Variants in PSD2 observed in about 807,000 individuals in gnomAD.
PSD2 encodes the protein pleckstrin and Sec7 domain containing 2, also known as PH and SEC7 domain-containing protein 2.
PSD2 carries 38 observed loss-of-function variants against 69.8 expected under a neutral mutation model. The observed-to-expected ratio is 0.54, with a 90% CI of 0.42 to 0.71. PSD2 has a LOEUF of 0.71. Among genes scored for constraint, PSD2 ranks in the 30% least tolerant of loss-of-function variants. The pLI is 0.00. For missense variants in PSD2, 943 were observed against 1,014.5 expected (o/e 0.93, Z 0.96); for synonymous variants, 412 against 423.0 (o/e 0.97, Z 0.32).
At chr5:139,833,604 T>A in intron 7 of PSD2, 98 bp from the exon 8 acceptor site, 1 of 815,944 alleles carries the variant, frequency 1.2e-6, no homozygotes, top group South Asian at 1.4e-5. Flanking sequence ...TTATTGCCCT[T>A]AATGCTGCCT....
chr5:139,791,084 C>T (rs1213985563), upstream of PSD2, among the ~76,000 whole-genome samples: 4 of 151,690 alleles, frequency 2.6e-5, no homozygotes, highest in African/African-American at 9.7e-5. Flanking sequence ...AAATGGTGGC[C>T]ATTCCAGGTG....
intron 1 of PSD2, among the ~76,000 whole-genome samples, chr5:139,801,947 C>T (rs1432408137): frequency 6.6e-6 from 1 of 152,210 alleles, no homozygotes; most frequent in Non-Finnish European, 1.5e-5. Flanking sequence ...CCTGACTTCC[C>T]TTCAGCGGGC....
At chr5:139,828,404 G>A (rs182917167) in intron 7 of PSD2, among the ~76,000 whole-genome samples, 21 of 152,316 alleles carry the variant, frequency 1.4e-4, no homozygotes, top group Admixed American at 1.0e-3. Flanking sequence ...TGGCAACAGC[G>A]GGAGTTTCTG....
intron 1 of PSD2, among the ~76,000 whole-genome samples, chr5:139,801,491 T>G (rs1345033514): frequency 6.6e-6 from 1 of 152,158 alleles, no homozygotes; most frequent in Non-Finnish European, 1.5e-5. Flanking sequence ...CCTCCTACCT[T>G]GTGGGTTGCT....
the PSD2 span, among the ~76,000 whole-genome samples, chr5:139,751,258 C>T: frequency 2.1e-4 from 32 of 152,228 alleles, no homozygotes; most frequent in East Asian, 2.7e-3. Context: ...GAGAGGGGGG[C>T]GGAGGTGGCC....
rs780497261 is a variant in PSD2, at chr5:139,817,538, C to G, written c.1074C>G (p.Gly358=). 40 of 1,614,020 alleles carry G rather than the reference C, an allele frequency of 2.5e-5. No homozygotes were observed. The highest frequency in any genetic ancestry group is 3.1e-5 in the Non-Finnish European group (36 of 1,179,992). The part of the protein sequence containing the change: ...GEYLSFFDFS[G]LTLDGALRTF... ...ACCTCAGTTTCTTCGACTTCTCGGG[C>G]TTGACTCTGGACGGAGCACTCAGGT... Residue 358 remains glycine (G), a synonymous_variant, in exon 5 of 15, where the codon GGC becomes GGG. Coordinates refer to ENST00000274710, the MANE Select transcript of PSD2 (RefSeq NM_032289.4).
rs1480529019 is a variant in PSD2 at position 139,840,098 on chromosome 5, C to T, written c.2040C>T (p.His680=). 6.2e-7 allele frequency: 1 copy of T among 1,614,176 alleles called. No individual in the cohort carries two copies. The highest frequency in any genetic ancestry group is 1.7e-5 in the Admixed American group (1 of 60,032). Residue 680 remains histidine (H), a synonymous_variant, in exon 14 of 15, where the codon CAC becomes CAT. Transcript: ENST00000274710. ...CGGAGCTGGCCGAACACAGGTGTCA[C>T]CCAGTCGAGAGGGGCATCAAGTCCA... is the stretch of plus-strand genomic sequence containing the variant. ...LTAELAEHRC[H]PVERGIKSKE...
chr5:139,837,729 C>T lies in PSD2; in HGVS notation c.1770C>T (p.Ser590=). ...ATRASDYSKK[S]NVLKLKTADW... The stretch of plus-strand genomic sequence containing the variant: ...GGGCCTCTGACTACAGCAAGAAGTC[C>T]AACGTGCTGAAGCTTAAGACAGCCG... The change falls in exon 12 of 15, where the codon TCC becomes TCT. Residue 590 remains serine, a synonymous_variant. Transcript: ENST00000274710. The surrounding 1 kb of genome is among the most constrained non-coding windows in gnomAD (Gnocchi z 5.0). 1 of 1,614,026 alleles carries T rather than the reference C, an allele frequency of 6.2e-7. No individual in the cohort carries two copies. The highest frequency in any genetic ancestry group is 8.5e-7 in the Non-Finnish European group (1 of 1,179,928).
chr5:139,805,763 C>T (rs141750444), intron 1 of PSD2, among the ~76,000 whole-genome samples: 87 of 152,068 alleles, frequency 5.7e-4, no homozygotes, highest in African/African-American at 1.9e-3. Context: ...ACTCAGGGAG[C>T]GGAAAGAAGG....
Position 139,842,716 on chromosome 5 carries a change from C to A in PSD2, c.*242C>A. 1 of 528,862 alleles carries A rather than the reference C, an allele frequency of 1.9e-6. No individual in the cohort carries two copies. The highest frequency in any genetic ancestry group is 3.4e-6 in the Non-Finnish European group (1 of 295,486). The allele number at this position is 528,862 out of a possible 1,614,324, so 32.8% of individuals were successfully genotyped here. On this transcript the variant is annotated 3_prime_UTR_variant, in exon 15 of 15. Coordinates refer to ENST00000274710, the MANE Select transcript of PSD2 (RefSeq NM_032289.4). ...CCTTGTTTTCCTCTCCACCATGGAGCCTCATTTTGTAGGCCAGTTGTGTGC... is the reference window on the plus strand; with the variant it reads ...CCTTGTTTTCCTCTCCACCATGGAGACTCATTTTGTAGGCCAGTTGTGTGC...
At position 139,830,626 on chromosome 5, in the gene PSD2, C is replaced by CTTTCTCTTTCTTTCTTTCTTTCTTTCTT. The variant is rs58644184; in HGVS notation, c.1270-3075_1270-3074insTTCTCTTTCTTTCTTTCTTTCTTTCTTT. Among the ~76,000 whole-genome samples, 16 of 97,672 alleles carry CTTTCTCTTTCTTTCTTTCTTTCTTTCTT rather than the reference C, an allele frequency of 1.6e-4. No homozygotes were observed. The East Asian group carries it at 3.9e-3, about 24-fold the overall frequency. The allele number at this position is 97,672 out of a possible 152,430, so 64.1% of individuals were successfully genotyped here. A position where few individuals can be genotyped will look rare whatever the true frequency, so the allele number is the denominator to read the frequency against. ...TTTCTTTCTCTTTCTTTCTTTCTTT[C>CTTTCTCTTTCTTTCTTTCTTTCTTTCTT]TCTTTCTTTCTTTCTTTCTTTCTTT... On this transcript the variant is annotated intron_variant, in intron 7 of 14. Transcript: ENST00000274710.
intron 5 of PSD2, among the ~76,000 whole-genome samples, chr5:139,820,645 A>T (rs1043968528): frequency 1.3e-5 from 2 of 152,170 alleles, no homozygotes; most frequent in African/African-American, 4.8e-5. Context: ...CCATCTTCTG[A>T]ACTCAAGACT....
the PSD2 span, among the ~76,000 whole-genome samples, chr5:139,781,199 T>A: frequency 1.3e-5 from 2 of 152,152 alleles, no homozygotes; most frequent in Non-Finnish European, 2.9e-5. Context: ...CCTCTAGAGA[T>A]CTCCTTTTGC....
At chr5:139,824,309 T>C (rs1417551527) in intron 7 of PSD2, among the ~76,000 whole-genome samples, 1 of 152,032 alleles carries the variant, frequency 6.6e-6, no homozygotes, top group African/African-American at 2.4e-5. Context: ...TGAAGAGAAA[T>C]GTCAGCACTT....
intron 14 of PSD2, among the ~76,000 whole-genome samples, chr5:139,840,953 T>C (rs1185847456): frequency 6.6e-6 from 1 of 152,134 alleles, no homozygotes; most frequent in Non-Finnish European, 1.5e-5. Flanking sequence ...AGTTCAGTAG[T>C]GTTAAGTCTA....
chr5:139,837,555 A>G lies in PSD2; in HGVS notation c.1666-70A>G, dbSNP rs1760765165. 2.1e-6 allele frequency: 3 copies of G among 1,461,720 alleles called. No homozygotes were observed. Among genetic ancestry groups the G allele is most frequent in the Non-Finnish European group, 2.8e-6 (3 of 1,073,734 alleles). 90.5% of individuals were successfully genotyped at this position (1,461,720 alleles called of 1,614,324 possible). A position where few individuals can be genotyped will look rare whatever the true frequency, so the allele number is the denominator to read the frequency against. ...AAGGGAGCCGTAGGGTTAGACAGAG[A>G]GCAGTGAGGGGAGGGGAGAGTGGAA... On this transcript the variant is annotated intron_variant, in intron 11 of 14. Coordinates refer to ENST00000274710, the MANE Select transcript of PSD2 (RefSeq NM_032289.4). This position sits in a 1 kb window ranked among gnomAD's most constrained non-coding sequence, Gnocchi z 5.0.
intron 1 of PSD2, among the ~76,000 whole-genome samples, chr5:139,807,120 G>A (rs1197581752): frequency 6.6e-6 from 1 of 152,184 alleles, no homozygotes. Context: ...TGAAGCTGCT[G>A]ATACTCTTAA....
In PSD2 at chr5:139,839,261, G is replaced by A. The variant is rs1467887088; in HGVS notation, c.1968+489G>A. On this transcript the variant is annotated intron_variant, in intron 13 of 14. Coordinates refer to ENST00000274710, the MANE Select transcript of PSD2 (RefSeq NM_032289.4). This position sits in a 1 kb window ranked among gnomAD's most constrained non-coding sequence, Gnocchi z 5.1. ...AGAAATGGTGGCCCGGAGCTTGAGA[G>A]GTAGAGGGCAGCGGAAGCCCCACAC... is the stretch of plus-strand genomic sequence containing the variant. Among the ~76,000 whole-genome samples, 1 of 152,260 alleles carries A rather than the reference G, an allele frequency of 6.6e-6. No individual in the cohort carries two copies. The highest frequency in any genetic ancestry group is 1.5e-5 in the Non-Finnish European group (1 of 68,044).
intron 8 of PSD2, among the ~76,000 whole-genome samples, chr5:139,835,001 T>C (rs1174027913): frequency 6.6e-6 from 1 of 150,544 alleles, no homozygotes; most frequent in Non-Finnish European, 1.5e-5. Flanking sequence ...CACTCACCCA[T>C]TCACCCGTCA....
Sources: allele counts gnomAD v4.1 joint callset (sites outside exome capture counted in the v4.1 genomes callset), GRCh38; gene constraint gnomAD v4.1.1; non-coding constraint Gnocchi (gnomAD v3.1); transcripts MANE v1.5; gene names NCBI Gene and HGNC (gene_info 2026-07-23, HGNC 2026-07-21).